CENPH: variants seen among roughly 807,000 people sequenced by gnomAD.
CENPH encodes CENP-H.
A neutral mutation model predicts 42.9 loss-of-function variants in CENPH; 40 were observed. The ratio of observed to expected loss-of-function variants is 0.93; its 90% CI spans 0.72 to 1.21. The LOEUF is 1.21. Among genes scored for constraint, CENPH ranks in the 50% most tolerant of loss-of-function variants. The pLI is 0.00. For synonymous variants in CENPH, 88 were observed against 96.5 expected, an observed-to-expected ratio of 0.91 and a Z score of 0.52; for missense variants, 302 against 292.9, an observed-to-expected ratio of 1.03 and a Z score of -0.23.
intron 4 of CENPH, among the ~76,000 whole-genome samples, chr5:69,196,769 AG>A (rs780408128): frequency 3.9e-5 from 6 of 152,202 alleles, no homozygotes; most frequent in Non-Finnish European, 7.4e-5. Context: ...TTTGCACAAA[AG>A]TAGATGGTTC....
chr5:69,193,382 C>T (rs1229754545), intron 2 of CENPH, among the ~76,000 whole-genome samples: 1 of 147,502 alleles, frequency 6.8e-6, no homozygotes, highest in African/African-American at 2.5e-5. Flanking sequence ...ATCTGTAATC[C>T]CAGCACTTTG....
At chr5:69,208,147 T>C in intron 7 of CENPH, 49 bp from the exon 8 acceptor site, 1 of 952,012 alleles carries the variant, frequency 1.1e-6, no homozygotes, top group Non-Finnish European at 1.5e-6. Context: ...AAGATCCTTG[T>C]TTATAGAGGT....
rs1561320565 is a variant in CENPH at position 69,191,839 on chromosome 5, T to C, written c.179T>C (p.Met60Thr). The C allele has an allele frequency of 2.0e-6, 3 of 1,537,578 alleles. No homozygotes were observed. The highest frequency in any genetic ancestry group is 1.4e-5 in the African/African-American group (1 of 73,190). ...CAACAACTCTTAGAATATAAATCAA[T>C]GGTTGATGCAAGTAAGTATTTTCAT... ...TKQQLLEYKS[M>T]VDASEEKTPE... The change falls in exon 2 of 9, where the codon ATG (methionine) becomes ACG (threonine). Residue 60 changes from methionine to threonine, a missense_variant. Transcript: ENST00000283006.
Position 69,189,741 on chromosome 5 carries a change from G to A in CENPH, c.107G>A (p.Ser36Asn). ...PQVAGAQAAC[S>N]EDRMTLLLRL... is the part of the protein sequence containing the mutation. ...GTCGCCGGCGCCCAGGCGGCGTGCA[G>A]CGAGGACCGCATGACCCTGCTCCTC... is the stretch of plus-strand genomic sequence containing the variant. The change falls in exon 1 of 9, where the codon AGC becomes AAC. Residue 36 changes from serine to asparagine, a missense_variant. Transcript: ENST00000283006. 6.5e-7 allele frequency: 1 copy of A among 1,545,556 alleles called. No individual in the cohort carries two copies. The highest frequency in any genetic ancestry group is 1.2e-5 in the South Asian group (1 of 83,878).
intron 5 of CENPH, among the ~76,000 whole-genome samples, chr5:69,200,210 G>A (rs1748036099): frequency 6.6e-6 from 1 of 151,964 alleles, no homozygotes; most frequent in Admixed American, 6.6e-5. Flanking sequence ...AAATTAATTG[G>A]GATGCAACTG....
intron 2 of CENPH, 46 bp from the exon 3 acceptor site, chr5:69,194,601 C>T (rs1330812753): frequency 4.5e-6 from 5 of 1,118,602 alleles, no homozygotes; most frequent in Non-Finnish European, 6.6e-6. Flanking sequence ...TTTTGGACAG[C>T]ACCTCTCTAA....
intron 4 of CENPH, among the ~76,000 whole-genome samples, chr5:69,196,196 C>G (rs1747961330): frequency 6.6e-6 from 1 of 152,082 alleles, no homozygotes; most frequent in African/African-American, 2.4e-5. Flanking sequence ...CTCAGCCTCC[C>G]CAAAATGCTG....
intron 2 of CENPH, among the ~76,000 whole-genome samples, chr5:69,193,078 CAA>C (rs1747903880): frequency 1.3e-5 from 2 of 151,264 alleles, no homozygotes; most frequent in Non-Finnish European, 2.9e-5. Context: ...GCCTGGGCAA[CAA>C]GAGCAAAACT....
chr5:69,202,724 A>G (rs1046114616), intron 6 of CENPH, among the ~76,000 whole-genome samples, 155 bp downstream of exon 6: 10 of 152,096 alleles, frequency 6.6e-5, no homozygotes, highest in Admixed American at 5.2e-4. Flanking sequence ...TCAAAATTCT[A>G]TTATTTCTGA....
chr5:69,199,256 A>G (rs171211), intron 5 of CENPH, among the ~76,000 whole-genome samples: 106,759 of 152,090 alleles, frequency 0.7, 38,938 homozygotes, highest in African/African-American at 0.91. Context: ...CTAGCTCACT[A>G]CCACCTTCAC....
chr5:69,202,454 T>C, intron 5 of CENPH, 52 bp from the exon 6 acceptor site: 1 of 1,048,864 alleles, frequency 9.5e-7, no homozygotes, highest in Non-Finnish European at 1.5e-6. Context: ...GCTATTATTT[T>C]TAATTAAGTT....
At chr5:69,190,634 C>T (rs1008673625) in intron 1 of CENPH, among the ~76,000 whole-genome samples, 4 of 152,224 alleles carry the variant, frequency 2.6e-5, no homozygotes, top group Non-Finnish European at 4.4e-5. Context: ...AATCCCAACA[C>T]TTTGGGATGC....
Position 69,202,572 on chromosome 5 carries a change from A to AGAGGAAAAACTGCTTGATATTAG in CENPH, c.435+3_435+4insGAGGAAAAACTGCTTGATATTAG. 1 of 1,504,868 alleles carries AGAGGAAAAACTGCTTGATATTAG rather than the reference A, an allele frequency of 6.6e-7. No individual in the cohort carries two copies. The highest frequency in any genetic ancestry group is 9.2e-7 in the Non-Finnish European group (1 of 1,086,430). 93.2% of individuals were successfully genotyped at this position (1,504,868 alleles called of 1,614,324 possible). The stretch of plus-strand genomic sequence containing the variant: ...AATTAATAATGAAATCACAGCAGGT[A>AGAGGAAAAACTGCTTGATATTAG]AACTTACACATTAGGCTGATTATGC... On this transcript the variant is annotated splice_donor_region_variant and intron_variant, in intron 6 of 8. Coordinates refer to ENST00000283006, the MANE Select transcript of CENPH (RefSeq NM_022909.4).
At chr5:69,191,992 C>G (rs1419901616) in intron 2 of CENPH, 142 bp downstream of exon 2, 41 of 521,208 alleles carry the variant, frequency 7.9e-5, no homozygotes, top group Non-Finnish European at 3.4e-6. Flanking sequence ...CTCCAGCAAT[C>G]CTCCCACCTC....
At chr5:69,200,299 A>G (rs1049200156) in intron 5 of CENPH, among the ~76,000 whole-genome samples, 3 of 152,170 alleles carry the variant, frequency 2.0e-5, no homozygotes, top group African/African-American at 7.2e-5. Flanking sequence ...TGTAAACAGT[A>G]AAATGGAACT....
intron 5 of CENPH, among the ~76,000 whole-genome samples, chr5:69,197,832 T>A (rs1199508314): frequency 6.7e-6 from 1 of 148,458 alleles, no homozygotes; most frequent in Non-Finnish European, 1.5e-5. Context: ...AAATAAAAAT[T>A]ATTATGAGCA....
At position 69,189,761 on chromosome 5, in the gene CENPH, C is replaced by T. The variant is rs1747832753; in HGVS notation, c.127C>T (p.Leu43Phe). 1.3e-6 allele frequency: 2 copies of T among 1,508,358 alleles called. No homozygotes were observed. The highest frequency in any genetic ancestry group is 1.8e-6 in the Non-Finnish European group (2 of 1,132,630). 93.4% of individuals were successfully genotyped at this position (1,508,358 alleles called of 1,614,324 possible). The change falls in exon 1 of 9, where the codon CTC becomes TTC. Residue 43 changes from leucine (L) to phenylalanine (F), a missense_variant. Leu to Phe is a conservative substitution (Grantham distance 22). Coordinates refer to ENST00000283006, the MANE Select transcript of CENPH (RefSeq NM_022909.4). ...AACSEDRMTL[L>F]LRLRAQTKQQ... The stretch of plus-strand genomic sequence containing the variant: ...GTGCAGCGAGGACCGCATGACCCTG[C>T]TCCTCAGGTTGTTCCCTTTGGCCTC...
intron 5 of CENPH, among the ~76,000 whole-genome samples, chr5:69,199,832 GGCCGGTGCGGTGGCTCAC>G (rs1480478798): frequency 6.6e-6 from 1 of 152,192 alleles, no homozygotes; most frequent in African/African-American, 2.4e-5. Context: ...AGAAGGGTCA[GGCCGGTGCGGTGGCTCAC>G]GCCTGTAATC....
In CENPH at chr5:69,194,680, A is replaced by G; in HGVS notation, c.224A>G (p.Glu75Gly). 6.3e-7 allele frequency: 1 copy of G among 1,587,612 alleles called. No individual in the cohort carries two copies. Among genetic ancestry groups the G allele is most frequent in the Non-Finnish European group, 8.6e-7 (1 of 1,164,502 alleles). Reference sequence around the variant, plus strand: ...AAAACTCCAGAACAAATTATGCAAGAAAAGCAAATCGAAGCGTATGTTATA... The same window carrying G: ...AAAACTCCAGAACAAATTATGCAAGGAAAGCAAATCGAAGCGTATGTTATA... Reference protein sequence around the residue: ...EEKTPEQIMQEKQIEAKIEDL... With the variant: ...EEKTPEQIMQGKQIEAKIEDL... Residue 75 changes from glutamate to glycine, a missense_variant, in exon 3 of 9, where the codon GAA (glutamate) becomes GGA (glycine). By Grantham distance (98) the Glu-to-Gly change is moderately conservative. Coordinates refer to ENST00000283006, the MANE Select transcript of CENPH (RefSeq NM_022909.4).
Sources: allele counts gnomAD v4.1 joint callset (sites outside exome capture counted in the v4.1 genomes callset), GRCh38; gene constraint gnomAD v4.1.1; transcripts MANE v1.5; gene names NCBI Gene and HGNC (gene_info 2026-07-23, HGNC 2026-07-21).